COL12A1: variants seen among roughly 807,000 people sequenced by gnomAD.
COL12A1 encodes collagen alpha-1(XII) chain.
In COL12A1, 114 loss-of-function variants were observed where a neutral mutation model predicts 349.7. The ratio of observed to expected loss-of-function variants is 0.33; its 90% CI spans 0.28 to 0.38. The LOEUF is 0.38. Among genes scored for constraint, COL12A1 ranks in the 10% least tolerant of loss-of-function variants. COL12A1 has a pLI of 1.00. For synonymous variants in COL12A1, 1,369 were observed against 1,329.0 expected (o/e 1.03, Z -0.66); for missense variants, 3,284 against 3,756.9 (o/e 0.87, Z 3.29).
At chr6:75,202,692 C>A in intron 2 of COL12A1, 28 bp downstream of exon 2, 1 of 1,547,292 alleles carries the variant, frequency 6.5e-7, no homozygotes, top group Non-Finnish European at 8.7e-7. Context: ...TGCATTGTCA[C>A]TCGGTGAAGG....
chr6:75,191,784 A>G, intron 4 of COL12A1, 24 bp from the exon 5 acceptor site: 1 of 1,517,870 alleles, frequency 6.6e-7, no homozygotes, highest in Non-Finnish European at 8.9e-7. Flanking sequence ...TTATTATTAC[A>G]AAAGGAAATG....
intron 28 of COL12A1, 112 bp from the exon 29 acceptor site, chr6:75,138,692 G>T: frequency 6.4e-7 from 1 of 1,552,182 alleles, no homozygotes; most frequent in Non-Finnish European, 8.8e-7. Context: ...CTCCTGCTCT[G>T]ATGCATGTCA....
At chr6:75,189,907 C>T in intron 5 of COL12A1, 92 bp from the exon 6 acceptor site, 2 of 1,329,174 alleles carry the variant, frequency 1.5e-6, no homozygotes, top group Non-Finnish European at 2.1e-6. Context: ...CTCCTTAAAT[C>T]ATTCTGTTCA....
rs1769228449 is a variant in COL12A1 at position 75,119,123 on chromosome 6, A to C, written c.7274T>G (p.Val2425Gly). The change falls in exon 46 of 66, where the codon GTC becomes GGC. Residue 2425 changes from valine (V) to glycine (G), a missense_variant. This residue lies in a region of COL12A1 where 683 missense variants were observed against 932.1 expected (regional missense o/e 0.73). Transcript: ENST00000322507. ...CGTGACCACAACCAACACCTTAGGG[A>C]CATTCTTCCTCATGCCGCTCTCCCA... ...LTWESGMRKN[V>G]PKVLVVVTDG... The C allele has an allele frequency of 6.2e-7, 1 of 1,613,988 alleles. No homozygotes were observed. Among genetic ancestry groups the C allele is most frequent in the Non-Finnish European group, 8.5e-7 (1 of 1,179,922 alleles).
At chr6:75,193,305 A>T (rs928949722) in intron 3 of COL12A1, among the ~76,000 whole-genome samples, 1 of 152,254 alleles carries the variant, frequency 6.6e-6, no homozygotes, top group East Asian at 1.9e-4. Flanking sequence ...GAATATGTTA[A>T]CTGCAAATAT....
Position 75,189,123 on chromosome 6 carries a change from C to T in COL12A1, c.823+94G>A, listed in dbSNP as rs371988195. Reference sequence around the variant, plus strand: ...AAAATGCAGTAAACACTTCTAATAGCATCCTTCCTTGAGGAATCAATCTTT... The same window carrying T: ...AAAATGCAGTAAACACTTCTAATAGTATCCTTCCTTGAGGAATCAATCTTT... On this transcript the variant is annotated intron_variant, in intron 7 of 65. Coordinates refer to ENST00000322507, the MANE Select transcript of COL12A1 (RefSeq NM_004370.6). 28 of 1,325,274 alleles carry T rather than the reference C, an allele frequency of 2.1e-5. No individual in the cohort carries two copies. In the African/African-American group the frequency reaches 4.0e-4, roughly 19 times the overall value. The allele number at this position is 1,325,274 out of a possible 1,614,324, so 82.1% of individuals were successfully genotyped here.
intron 64 of COL12A1, among the ~76,000 whole-genome samples, chr6:75,088,266 G>A (rs1048487729): frequency 6.6e-6 from 1 of 152,150 alleles, no homozygotes; most frequent in Non-Finnish European, 1.5e-5. Flanking sequence ...TTACAACCTA[G>A]TAAACAAAAT....
At chr6:75,204,497 A>G (rs577187544) in intron 1 of COL12A1, among the ~76,000 whole-genome samples, 1 of 152,306 alleles carries the variant, frequency 6.6e-6, no homozygotes, top group Non-Finnish European at 1.5e-5. Flanking sequence ...GCATCCCGTC[A>G]ATATATGTTT....
Position 75,145,328 on chromosome 6 carries a change from G to A in COL12A1, c.4688C>T (p.Thr1563Ile). 6.2e-7 allele frequency: 1 copy of A among 1,603,212 alleles called. No individual in the cohort carries two copies. The highest frequency in any genetic ancestry group is 8.5e-7 in the Non-Finnish European group (1 of 1,172,198). ...TSEPVTVREV[T>I]LPLPRPQDLK... ...AATAAAACTAAGCAGTAGCTTACAGGTGACTTCCCGAACAGTGACAGGTTC... is the reference window on the plus strand; with the variant it reads ...AATAAAACTAAGCAGTAGCTTACAGATGACTTCCCGAACAGTGACAGGTTC... Residue 1563 changes from threonine (T) to isoleucine (I), a missense_variant and splice_region_variant, in exon 25 of 66, where the codon ACC becomes ATC. Physicochemically the swap from Thr to Ile is moderately conservative, Grantham distance 89. This residue lies in a region of COL12A1 where 2,601 missense variants were observed against 2,824.8 expected (regional missense o/e 0.92). Transcript: ENST00000322507.
chr6:75,124,660 G>T (rs762177663), intron 40 of COL12A1, among the ~76,000 whole-genome samples: 49 of 152,010 alleles, frequency 3.2e-4, no homozygotes, highest in Non-Finnish European at 5.3e-4. Context: ...TTTCTAAAAG[G>T]CTATCTGCTA....
intron 31 of COL12A1, among the ~76,000 whole-genome samples, chr6:75,136,694 T>C (rs181263393): frequency 2.0e-5 from 3 of 152,316 alleles, no homozygotes; most frequent in Non-Finnish European, 4.4e-5. Context: ...TCAGAAAACA[T>C]AATCATACCT....
At chr6:75,137,357 A>G in intron 31 of COL12A1, 80 bp downstream of exon 31, 2 of 1,270,618 alleles carry the variant, frequency 1.6e-6, no homozygotes, top group Non-Finnish European at 2.2e-6. Flanking sequence ...AAGTATGACT[A>G]ACTAAGCACT....
rs1766310948 is a variant in COL12A1 at position 75,131,794 on chromosome 6, A to G, written c.5937+146T>C. The G allele has an allele frequency of 3.4e-6, 3 of 873,802 alleles. No homozygotes were observed. In the South Asian group the frequency reaches 6.7e-5, roughly 20 times the overall value. The allele number at this position is 873,802 out of a possible 1,614,324, so 54.1% of individuals were successfully genotyped here. A position where few individuals can be genotyped will look rare whatever the true frequency, so the allele number is the denominator to read the frequency against. ...TATTCTTACTAACCCTATAATTAAT[A>G]CACCTACCTCAAGTCATCAAAAACA... is the stretch of plus-strand genomic sequence containing the variant. On this transcript the variant is annotated intron_variant, in intron 35 of 65. Coordinates refer to ENST00000322507, the MANE Select transcript of COL12A1 (RefSeq NM_004370.6).
At chr6:75,130,703 C>T in intron 36 of COL12A1, 149 bp downstream of exon 36, 1 of 982,104 alleles carries the variant, frequency 1.0e-6, no homozygotes, top group Non-Finnish European at 1.5e-6. Flanking sequence ...AGTCACAGAC[C>T]CAATGTTTTC....
chr6:75,204,735 C>T (rs1375682802), intron 1 of COL12A1, among the ~76,000 whole-genome samples: 3 of 152,072 alleles, frequency 2.0e-5, no homozygotes, highest in African/African-American at 7.2e-5. Flanking sequence ...CAATTCCCTG[C>T]TGGAAGAACC....
chr6:75,174,481 T>G (rs141945714), intron 13 of COL12A1, among the ~76,000 whole-genome samples: 15 of 152,024 alleles, frequency 9.9e-5, no homozygotes, highest in Non-Finnish European at 2.1e-4. Context: ...GCGTGAACCA[T>G]AGAGGCAGAG....
At chr6:75,144,632 A>G (rs184209494) in intron 25 of COL12A1, among the ~76,000 whole-genome samples, 2 of 152,342 alleles carry the variant, frequency 1.3e-5, no homozygotes, top group Admixed American at 1.3e-4. Flanking sequence ...CGCTTCAAGA[A>G]AAAAGCACCT....
chr6:75,122,020 C>T (rs1054360516), intron 43 of COL12A1, among the ~76,000 whole-genome samples: 2 of 151,986 alleles, frequency 1.3e-5, no homozygotes, highest in Non-Finnish European at 2.9e-5. Flanking sequence ...CCACCACGCC[C>T]AGCTAATTTC....
chr6:75,097,756 C>T (rs988251438), intron 58 of COL12A1, among the ~76,000 whole-genome samples: 1 of 152,160 alleles, frequency 6.6e-6, no homozygotes, highest in Non-Finnish European at 1.5e-5. Flanking sequence ...GAAAAGCAAG[C>T]GGTATCATAA....
Sources: allele counts gnomAD v4.1 joint callset (sites outside exome capture counted in the v4.1 genomes callset), GRCh38; gene constraint gnomAD v4.1.1; regional missense constraint gnomAD v4.1.1; transcripts MANE v1.5; gene names NCBI Gene and HGNC (gene_info 2026-07-23, HGNC 2026-07-21).